The following SVOP variants were observed in gnomAD, a reference collection of about 807,000 sequenced individuals.
SVOP encodes the protein SV2 related protein, also known as synaptic vesicle 2-related protein.
Under a neutral mutation model 69.1 loss-of-function variants are expected in SVOP, and 17 were observed. That is an observed-to-expected ratio of 0.25 (90% CI 0.17 to 0.37). The LOEUF (loss-of-function observed/expected upper bound fraction) is 0.37. SVOP is among the 10% of genes least tolerant of loss of function. The pLI is 1.00. For missense variants in SVOP, 435 were observed against 597.5 expected (o/e 0.73, Z 2.84); for synonymous variants, 238 against 238.6 (o/e 1.00, Z 0.02).
At chr12:108,980,028 T>C (rs1566061862) in intron 2 of SVOP, among the ~76,000 whole-genome samples, 1 of 152,094 alleles carries the variant, frequency 6.6e-6, no homozygotes, top group Non-Finnish European at 1.5e-5. Context: ...TTTTAAAAAG[T>C]AGCTGTGAGT....
chr12:108,964,180 C>A (rs2040032490), intron 5 of SVOP, among the ~76,000 whole-genome samples: 2 of 151,374 alleles, frequency 1.3e-5, no homozygotes, highest in African/African-American at 4.9e-5. Context: ...CATAGCGAGA[C>A]CCTTGGTCTA....
At chr12:108,912,828 C>T in intron 15 of SVOP, 87 bp from the exon 16 acceptor site, 1 of 1,320,430 alleles carries the variant, frequency 7.6e-7, no homozygotes, top group Non-Finnish European at 1.1e-6. Flanking sequence ...TAACATCAGG[C>T]CCTCTCGTGA....
chr12:108,950,245 C>CTT (rs36197540), intron 6 of SVOP, among the ~76,000 whole-genome samples: 11 of 140,878 alleles, frequency 7.8e-5, no homozygotes, highest in African/African-American at 1.3e-4. Context: ...CTTTTTCTTT[C>CTT]TTTTTTTTTT....
chr12:108,925,320 G>T (rs548593188), intron 11 of SVOP, among the ~76,000 whole-genome samples: 1 of 150,490 alleles, frequency 6.6e-6, no homozygotes, highest in Non-Finnish European at 1.5e-5. Context: ...TGGCTTTACC[G>T]TGCCGGGGGA....
At chr12:108,968,946 A>G (rs992756019) in intron 5 of SVOP, among the ~76,000 whole-genome samples, 1 of 152,114 alleles carries the variant, frequency 6.6e-6, no homozygotes, top group Non-Finnish European at 1.5e-5. Flanking sequence ...GGTGCATGCC[A>G]CTGGGCCTGG....
chr12:109,018,026 A>G (rs1325447253), intron 1 of SVOP, among the ~76,000 whole-genome samples: 1 of 152,190 alleles, frequency 6.6e-6, no homozygotes, highest in Non-Finnish European at 1.5e-5. Context: ...CTTAAGCGCA[A>G]GAACCATTCT....
Position 108,989,545 on chromosome 12 carries a change from G to A in SVOP, c.36-5784C>T, listed in dbSNP as rs370055813. Among the ~76,000 whole-genome samples, 143 of 152,248 alleles carry A rather than the reference G, an allele frequency of 9.4e-4. 1 individual carries two copies. Among genetic ancestry groups the A allele is most frequent in the African/African-American group, 2.5e-3 (105 of 41,544 alleles). ...TCGTGACACTGAGAGGGTCCCGCCC[G>A]GGGGTGTGAGGGCTGGGCTGTTACA... On this transcript the variant is annotated intron_variant, in intron 1 of 15. Coordinates refer to ENST00000610966, the MANE Select transcript of SVOP (RefSeq NM_018711.5).
intron 9 of SVOP, among the ~76,000 whole-genome samples, chr12:108,937,718 G>A (rs2039864660): frequency 6.6e-6 from 1 of 152,148 alleles, no homozygotes; most frequent in African/African-American, 2.4e-5. Context: ...CCAGTTCTAG[G>A]TCTAGGTGGC....
chr12:108,922,784 C>A lies in SVOP; in HGVS notation c.1062G>T (p.Lys354Asn), dbSNP rs769125292. The A allele has an allele frequency of 6.2e-6, 10 of 1,607,322 alleles. No homozygotes were observed. Among genetic ancestry groups the A allele is most frequent in the Non-Finnish European group, 8.5e-6 (10 of 1,177,156 alleles). Residue 354 changes from lysine (K) to asparagine (N), a missense_variant, in exon 12 of 16, where the codon AAG (lysine) becomes AAT (asparagine). By Grantham distance (94) the Lys-to-Asn change is moderately conservative. Transcript: ENST00000610966. ...GGCTGCATTTTGCCTCTACAGCCTT[C>A]TTCCGACTGGAGACTGGGGTTGGGA... The part of the protein sequence containing the change: ...AGDVCGISSR[K>N]KAVEAKCSLA...
rs2040119488 is a variant in SVOP, at chr12:108,978,619, T to C, written c.241A>G (p.Lys81Glu). ...EDAVEAIGFG[K>E]FQWKLSVLTG... is the part of the protein sequence containing the mutation. ...AGAACAGACAGCTTCCACTGAAATT[T>C]TCCAAAGCCAATGGCTTCCACTGCA... The change falls in exon 3 of 16, where the codon AAA (lysine) becomes GAA (glutamate). Residue 81 changes from lysine to glutamate, a missense_variant. By Grantham distance (56) the Lys-to-Glu change is moderately conservative. Coordinates refer to ENST00000610966, the MANE Select transcript of SVOP (RefSeq NM_018711.5). The C allele has an allele frequency of 1.4e-6, 1 of 703,924 alleles. No homozygotes were observed. 43.6% of individuals were successfully genotyped at this position (703,924 alleles called of 1,614,324 possible). A position where few individuals can be genotyped will look rare whatever the true frequency, so the allele number is the denominator to read the frequency against.
intron 12 of SVOP, among the ~76,000 whole-genome samples, chr12:108,920,438 T>G (rs890675478): frequency 1.3e-5 from 2 of 152,182 alleles, no homozygotes; most frequent in African/African-American, 4.8e-5. Context: ...TAACTTGCCA[T>G]GTGGTCTTGG....
At chr12:108,983,343 T>C (rs2137438337) in intron 2 of SVOP, among the ~76,000 whole-genome samples, 1 of 152,292 alleles carries the variant, frequency 6.6e-6, no homozygotes, top group Admixed American at 6.5e-5. Flanking sequence ...ATCACCATCA[T>C]CATCTTTGTC....
At chr12:108,974,150 C>A (rs867553034) in intron 4 of SVOP, among the ~76,000 whole-genome samples, 4 of 152,250 alleles carry the variant, frequency 2.6e-5, no homozygotes, top group Middle Eastern at 3.4e-3. Flanking sequence ...GTGAACAAAG[C>A]TTTTCATATA....
At chr12:108,944,148 G>T (rs1020163791) in intron 7 of SVOP, among the ~76,000 whole-genome samples, 2 of 151,760 alleles carry the variant, frequency 1.3e-5, no homozygotes, top group African/African-American at 4.8e-5. Context: ...CCCAAAGTAC[G>T]GGATTATGGG....
chr12:109,005,939 G>C (rs930634712), intron 1 of SVOP, among the ~76,000 whole-genome samples: 2 of 152,194 alleles, frequency 1.3e-5, no homozygotes, highest in African/African-American at 4.8e-5. Flanking sequence ...ACCATGGAAG[G>C]GTTTCAAGTA....
rs11114097 is a variant in SVOP, at chr12:108,924,774, T to C, written c.1049-1977A>G. On this transcript the variant is annotated intron_variant, in intron 11 of 15. Transcript: ENST00000610966. ...GAGCCACAGGATGTTTGGTTCCCTA[T>C]AGAAACTAAAGATAACATCTTAACA... 6.1e-3 allele frequency among the ~76,000 whole-genome samples: 925 copies of C among 152,286 alleles called. 8 individuals are homozygous for C. The highest frequency in any genetic ancestry group is 0.021 in the African/African-American group (887 of 41,546).
chr12:108,931,640 T>C (rs1323005788), intron 11 of SVOP, among the ~76,000 whole-genome samples: 2 of 152,062 alleles, frequency 1.3e-5, no homozygotes, highest in South Asian at 2.1e-4. Context: ...GAGACCATCC[T>C]GGCCAACATG....
chr12:108,992,860 G>C (rs954408404), intron 1 of SVOP, among the ~76,000 whole-genome samples: 2 of 152,030 alleles, frequency 1.3e-5, no homozygotes, highest in African/African-American at 2.4e-5. Flanking sequence ...CACTTTAATT[G>C]ATGGTTAAGA....
intron 7 of SVOP, among the ~76,000 whole-genome samples, chr12:108,942,009 C>A (rs2137407420): frequency 6.6e-6 from 1 of 152,264 alleles, no homozygotes; most frequent in Non-Finnish European, 1.5e-5. Flanking sequence ...TCCCCTCCAT[C>A]CCCAGCCCCT....
Sources: allele counts gnomAD v4.1 joint callset (sites outside exome capture counted in the v4.1 genomes callset), GRCh38; gene constraint gnomAD v4.1.1; transcripts MANE v1.5; gene names NCBI Gene and HGNC (gene_info 2026-07-23, HGNC 2026-07-21).